Variants in NUP85 observed in about 807,000 individuals in gnomAD.
NUP85 encodes the protein nuclear pore complex protein Nup85.
NUP85 carries 23 observed loss-of-function variants against 92.8 expected under a neutral mutation model. The ratio of observed to expected loss-of-function variants is 0.25; its 90% confidence interval spans 0.18 to 0.35. The LOEUF is 0.35. NUP85 is among the 10% of genes least tolerant of loss of function. The probability of loss-of-function intolerance (pLI) is 1.00; values close to 1 mark genes in which losing one functional copy is unlikely to be tolerated. For missense variants in NUP85, 759 were observed against 822.8 expected, an observed-to-expected ratio of 0.92 and a Z score of 0.95; for synonymous variants, 314 against 306.9, an observed-to-expected ratio of 1.02 and a Z score of -0.24.
In NUP85 at chr17:75,225,142, C is replaced by G; in HGVS notation, c.637C>G (p.Arg213Gly). Residue 213 changes from arginine (R) to glycine (G), a missense_variant, in exon 8 of 19, where the codon CGA (arginine) becomes GGA (glycine). Arg to Gly is a moderately radical substitution (Grantham distance 125). Transcript: ENST00000245544. Reference protein sequence around the residue: ...LVLQGRLDEARQMLSKEADAS... With the variant: ...LVLQGRLDEAGQMLSKEADAS... ...GCTGCAGGGCCGGCTGGATGAGGCC[C>G]GACAGATGCTCTCCAAGGAAGCCGA... 1 of 1,598,016 alleles carries G rather than the reference C, an allele frequency of 6.3e-7. No individual in the cohort carries two copies. Among genetic ancestry groups the G allele is most frequent in the Non-Finnish European group, 8.5e-7 (1 of 1,170,654 alleles).
chr17:75,225,765 T>C lies in NUP85; in HGVS notation c.923T>C (p.Leu308Pro). 2 of 1,614,216 alleles carry C rather than the reference T, an allele frequency of 1.2e-6. No individual in the cohort carries two copies. Among genetic ancestry groups the C allele is most frequent in the Non-Finnish European group, 1.7e-6 (2 of 1,180,034 alleles). The change falls in exon 10 of 19, where the codon CTA (leucine) becomes CCA (proline). Residue 308 changes from leucine (L) to proline (P), a missense_variant. Physicochemically the swap from Leu to Pro is moderately conservative, Grantham distance 98. Transcript: ENST00000245544. ...CTTCTGAGTAATTGGTATCATTTCCTAGTGACTCGGCTCTTGTACTCCAAT... is the reference window on the plus strand; with the variant it reads ...CTTCTGAGTAATTGGTATCATTTCCCAGTGACTCGGCTCTTGTACTCCAAT... ...KELLSNWYHF[L>P]VTRLLYSNPT...
intron 8 of NUP85, 48 bp from the exon 9 acceptor site, chr17:75,225,288 CTAAATA>C (rs777798854): frequency 2.0e-5 from 32 of 1,610,462 alleles, no homozygotes; most frequent in Middle Eastern, 1.6e-4. Context: ...GCGTGATTCA[CTAAATA>C]TAAAGGGTGT....
At position 75,205,684 on chromosome 17, in the gene NUP85, G is replaced by A; in HGVS notation, c.-78G>A. The A allele has an allele frequency of 4.4e-6, 7 of 1,574,830 alleles. No homozygotes were observed. The highest frequency in any genetic ancestry group is 6.1e-6 in the Non-Finnish European group (7 of 1,145,164). On this transcript the variant is annotated 5_prime_UTR_variant, in exon 1 of 19. Transcript: ENST00000245544. ...AGACGCCCAGGCGGAGTCTTGTCTC[G>A]CAGCCAGCTCTGAGCGGGAGGCCTG... is the stretch of plus-strand genomic sequence containing the variant.
At chr17:75,225,911 T>TGA in intron 10 of NUP85, 82 bp downstream of exon 10, 3 of 1,599,590 alleles carry the variant, frequency 1.9e-6, no homozygotes, top group Non-Finnish European at 2.6e-6. Flanking sequence ...AATTCCTCCC[T>TGA]GAGGAACAGG....
intron 17 of NUP85, 79 bp from the exon 18 acceptor site, chr17:75,235,021 C>A (rs778993162): frequency 8.4e-7 from 1 of 1,194,222 alleles, no homozygotes; most frequent in Non-Finnish European, 1.2e-6. Flanking sequence ...AAAGGAAGAA[C>A]GTCCGAACAT....
intron 6 of NUP85, among the ~76,000 whole-genome samples, chr17:75,217,706 C>T (rs2145308366): frequency 6.6e-6 from 1 of 152,222 alleles, no homozygotes; most frequent in South Asian, 2.1e-4. Context: ...AGGGTTTCAC[C>T]ATGTTGTCCA....
chr17:75,232,863 G>A lies in NUP85; in HGVS notation c.1409G>A (p.Cys470Tyr), dbSNP rs750326333. Residue 470 changes from cysteine (C) to tyrosine (Y), a missense_variant, in exon 15 of 19, where the codon TGT (cysteine) becomes TAT (tyrosine). Physicochemically the swap from Cys to Tyr is radical, Grantham distance 194. Transcript: ENST00000245544. ...TTCCCCTGCAAAGTTCGCAGCATTT[G>A]TAAGATCTTAGCCATGAAAGCCGTC... ...RQMTEQVRSI[C>Y]KILAMKAVRN... 3.7e-6 allele frequency: 6 copies of A among 1,614,030 alleles called. No individual in the cohort carries two copies. The highest frequency in any genetic ancestry group is 1.3e-5 in the African/African-American group (1 of 74,948).
At chr17:75,213,485 G>A (rs2075333905) in intron 5 of NUP85, among the ~76,000 whole-genome samples, 1 of 151,916 alleles carries the variant, frequency 6.6e-6, no homozygotes, top group Non-Finnish European at 1.5e-5. Flanking sequence ...TAGAGATGGG[G>A]TTTCACCATG....
At chr17:75,232,657 A>AC (rs2076117966) in intron 14 of NUP85, among the ~76,000 whole-genome samples, 194 bp from the exon 15 acceptor site, 1 of 152,160 alleles carries the variant, frequency 6.6e-6, no homozygotes, top group Non-Finnish European at 1.5e-5. Flanking sequence ...CGTGATGGGC[A>AC]CTTACACTCT....
At chr17:75,206,649 A>G (rs1356624836) in intron 1 of NUP85, among the ~76,000 whole-genome samples, 1 of 152,142 alleles carries the variant, frequency 6.6e-6, no homozygotes, top group African/African-American at 2.4e-5. Flanking sequence ...GGAGCAGAGG[A>G]AAATTTTATG....
At chr17:75,206,640 G>A (rs2075090063) in intron 1 of NUP85, among the ~76,000 whole-genome samples, 1 of 152,096 alleles carries the variant, frequency 6.6e-6, no homozygotes, top group Admixed American at 6.6e-5. Flanking sequence ...TGAAAAGAGG[G>A]AGCAGAGGAA....
intron 7 of NUP85, among the ~76,000 whole-genome samples, chr17:75,222,035 G>A (rs2075610977): frequency 1.1e-5 from 1 of 89,604 alleles, no homozygotes; most frequent in Admixed American, 1.3e-4. Context: ...GTGTGTGTGT[G>A]TTTTGTTTTG....
chr17:75,234,901 T>C, intron 17 of NUP85, 113 bp downstream of exon 17: 1 of 1,320,426 alleles, frequency 7.6e-7, no homozygotes, highest in Non-Finnish European at 1.1e-6. Context: ...CCTGTGCGCG[T>C]GTATTCCCCT....
chr17:75,213,166 C>T (rs2075325115), intron 5 of NUP85, 47 bp downstream of exon 5: 1 of 1,585,838 alleles, frequency 6.3e-7, no homozygotes, highest in Admixed American at 1.7e-5. Context: ...TGTCCTGTGT[C>T]CTGGGCACCC....
At chr17:75,230,568 C>T (rs114972332) in intron 11 of NUP85, among the ~76,000 whole-genome samples, 266 of 152,140 alleles carry the variant, frequency 1.7e-3, no homozygotes, top group African/African-American at 6.0e-3. Context: ...ACCGTGTTAG[C>T]GAAGATGGTC....
At chr17:75,221,623 C>T (rs1372443461) in intron 7 of NUP85, among the ~76,000 whole-genome samples, 4 of 152,152 alleles carry the variant, frequency 2.6e-5, no homozygotes, top group Non-Finnish European at 5.9e-5. Flanking sequence ...TCCCATGGGG[C>T]TGTTGTGATC....
intron 2 of NUP85, 50 bp from the exon 3 acceptor site, chr17:75,209,773 T>C (rs1227562241): frequency 6.7e-7 from 1 of 1,486,230 alleles, no homozygotes; most frequent in Non-Finnish European, 9.0e-7. Flanking sequence ...GATTCACTTT[T>C]GGAGATGATC....
At chr17:75,232,774 C>A in intron 14 of NUP85, 77 bp from the exon 15 acceptor site, 1 of 1,328,154 alleles carries the variant, frequency 7.5e-7, no homozygotes, top group Non-Finnish European at 1.1e-6. Context: ...TGTGAGGCCA[C>A]TCCGGTCCCC....
At chr17:75,222,431 A>C (rs2075622001) in intron 7 of NUP85, among the ~76,000 whole-genome samples, 1 of 151,674 alleles carries the variant, frequency 6.6e-6, no homozygotes, top group African/African-American at 2.4e-5. Context: ...AATTCAGACA[A>C]GGAAGTTTGG....
Sources: allele counts gnomAD v4.1 joint callset (sites outside exome capture counted in the v4.1 genomes callset), GRCh38; gene constraint gnomAD v4.1.1; transcripts MANE v1.5; gene names NCBI Gene and HGNC (gene_info 2026-07-23, HGNC 2026-07-21).